MOV10L1: variants seen among roughly 807,000 people sequenced by gnomAD.
The protein encoded by MOV10L1 is RNA helicase Mov10l1.
A neutral mutation model predicts 143.8 loss-of-function variants in MOV10L1; 110 were observed. The observed-to-expected ratio is 0.76, with a 90% CI of 0.66 to 0.90. The LOEUF (loss-of-function observed/expected upper bound fraction) is 0.90, where lower values mean the gene tolerates loss of function less well. Ranked by LOEUF, MOV10L1 falls within the 40% of genes least tolerant of loss-of-function variation. The probability of loss-of-function intolerance (pLI) is 0.00; values close to 1 mark genes in which losing one functional copy is unlikely to be tolerated. For synonymous variants in MOV10L1, 593 were observed against 581.1 expected (o/e 1.02, Z -0.29); for missense variants, 1,406 against 1,526.8 (o/e 0.92, Z 1.32).
chr22:50,154,073 T>A (rs1430080842), intron 22 of MOV10L1, among the ~76,000 whole-genome samples: 1 of 152,156 alleles, frequency 6.6e-6, no homozygotes, highest in Non-Finnish European at 1.5e-5. Context: ...TCCAAAGTGG[T>A]GGGATGGGAT....
At position 50,158,311 on chromosome 22, in the gene MOV10L1, C is replaced by A; in HGVS notation, c.3216+105C>A. On this transcript the variant is annotated intron_variant, in intron 23 of 26. Coordinates refer to ENST00000262794, the MANE Select transcript of MOV10L1 (RefSeq NM_018995.3). This position sits in a 1 kb window ranked among gnomAD's most constrained non-coding sequence, Gnocchi z 5.0. ...GGAACAAGCTCCTTGTGAGCAGCAG[C>A]AGGTTTTTAAAGGGGCAGGACCGCA... 1 of 1,437,010 alleles carries A rather than the reference C, an allele frequency of 7.0e-7. No individual in the cohort carries two copies. The highest frequency in any genetic ancestry group is 9.5e-7 in the Non-Finnish European group (1 of 1,057,736). 89.0% of individuals were successfully genotyped at this position (1,437,010 alleles called of 1,614,324 possible). A position where few individuals can be genotyped will look rare whatever the true frequency, so the allele number is the denominator to read the frequency against.
At chr22:50,116,902 C>T (rs144016121) in intron 8 of MOV10L1, among the ~76,000 whole-genome samples, 256 of 152,116 alleles carry the variant, frequency 1.7e-3, no homozygotes, top group African/African-American at 6.0e-3. Flanking sequence ...GCGATCTGCC[C>T]GCCTCAGTCT....
intron 15 of MOV10L1, among the ~76,000 whole-genome samples, chr22:50,141,643 G>A (rs937571080): frequency 1.3e-5 from 2 of 152,016 alleles, no homozygotes; most frequent in African/African-American, 2.4e-5. Context: ...CCGGCCTGGT[G>A]CAGGATCTTG....
intron 22 of MOV10L1, among the ~76,000 whole-genome samples, chr22:50,156,958 A>G (rs187404143): frequency 3.9e-5 from 6 of 152,324 alleles, no homozygotes; most frequent in African/African-American, 1.4e-4. Flanking sequence ...TAACTGCAGC[A>G]TTCCACACCC....
intron 10 of MOV10L1, among the ~76,000 whole-genome samples, chr22:50,123,695 C>G (rs1602232437): frequency 6.6e-6 from 1 of 152,164 alleles, no homozygotes; most frequent in East Asian, 1.9e-4. Flanking sequence ...GTATTCCCTC[C>G]TCTTGAATTT....
At chr22:50,113,967 G>A (rs1731689104) in intron 6 of MOV10L1, among the ~76,000 whole-genome samples, 179 bp downstream of exon 6, 1 of 140,576 alleles carries the variant, frequency 7.1e-6, no homozygotes, top group African/African-American at 2.7e-5. Flanking sequence ...CGCCCGGGCT[G>A]GAGTGCAGTG....
chr22:50,091,375 C>G, intron 1 of MOV10L1: 1 of 167,362 alleles, frequency 6.0e-6, no homozygotes. Context: ...GTGCGCTGCT[C>G]CTGGGCCAGA....
chr22:50,124,750 GC>G (rs1169617706), intron 10 of MOV10L1, among the ~76,000 whole-genome samples: 1 of 152,134 alleles, frequency 6.6e-6, no homozygotes, highest in East Asian at 1.9e-4. Context: ...ACTCTGTGCT[GC>G]TTGCTCTTCC....
At chr22:50,130,968 C>T (rs774947526) in intron 13 of MOV10L1, among the ~76,000 whole-genome samples, 13 of 152,158 alleles carry the variant, frequency 8.5e-5, no homozygotes, top group Non-Finnish European at 1.6e-4. Flanking sequence ...ACGATCTCGG[C>T]TCACTGCAAG....
At chr22:50,133,261 TGAG>T (rs911143633) in intron 13 of MOV10L1, among the ~76,000 whole-genome samples, 5 of 151,606 alleles carry the variant, frequency 3.3e-5, no homozygotes, top group African/African-American at 1.2e-4. Context: ...TCTATCAGGT[TGAG>T]GAGATAGATT....
chr22:50,110,639 T>C (rs1382647157), intron 5 of MOV10L1, among the ~76,000 whole-genome samples: 1 of 152,088 alleles, frequency 6.6e-6, no homozygotes, highest in Admixed American at 6.5e-5. Flanking sequence ...CTTAAAATTA[T>C]TGGATTTCTG....
Position 50,153,174 on chromosome 22 carries a change from A to C in MOV10L1, c.3022A>C (p.Lys1008Gln). Reference sequence around the variant, plus strand: ...GGTGACCTCCTTGCTGGGCTGGGAGAAGTTGCCTAAGAAAGGCTTCCCTCT... The same window carrying C: ...GGTGACCTCCTTGCTGGGCTGGGAGCAGTTGCCTAAGAAAGGCTTCCCTCT... Reference protein sequence around the residue: ...TVVTSLLGWEKLPKKGFPLIF... With the variant: ...TVVTSLLGWEQLPKKGFPLIF... Residue 1008 changes from lysine (K) to glutamine (Q), a missense_variant, in exon 22 of 27, where the codon AAG becomes CAG. Around this residue, in one of 3 missense-constraint regions of MOV10L1, gnomAD observed 1,233 missense variants for 1,351.4 expected, o/e 0.91. Coordinates refer to ENST00000262794, the MANE Select transcript of MOV10L1 (RefSeq NM_018995.3). 6.2e-7 allele frequency: 1 copy of C among 1,613,846 alleles called. No homozygotes were observed. The highest frequency in any genetic ancestry group is 1.1e-5 in the South Asian group (1 of 91,070).
At position 50,118,718 on chromosome 22, in the gene MOV10L1, G is replaced by A. The variant is rs1451597566; in HGVS notation, c.1454+1367G>A. ...CTTCATGCTACCTCATGGGTCACAT[G>A]TGCCAGTTCGGAGGGAGTTCGCATG... On this transcript the variant is annotated intron_variant, in intron 9 of 26. Coordinates refer to ENST00000262794, the MANE Select transcript of MOV10L1 (RefSeq NM_018995.3). Among the ~76,000 whole-genome samples the A allele has an allele frequency of 2.0e-5, 3 of 152,214 alleles. No homozygotes were observed. In the East Asian group the frequency reaches 5.8e-4, roughly 29 times the overall value.
At chr22:50,137,521 A>G (rs551162689) in intron 15 of MOV10L1, among the ~76,000 whole-genome samples, 162 of 152,086 alleles carry the variant, frequency 1.1e-3, no homozygotes, top group African/African-American at 3.9e-3. Context: ...AGCGTGGGCA[A>G]TAGAATACAG....
At chr22:50,147,731 C>T (rs1201234413) in intron 19 of MOV10L1, among the ~76,000 whole-genome samples, 4 of 152,222 alleles carry the variant, frequency 2.6e-5, no homozygotes, top group African/African-American at 9.7e-5. Flanking sequence ...TAAATAACTG[C>T]AATTAATACA....
chr22:50,121,374 G>A (rs138231), intron 10 of MOV10L1, among the ~76,000 whole-genome samples: 151,144 of 152,330 alleles, frequency 0.99, 74,986 homozygotes, highest in East Asian at 1. Flanking sequence ...GGTTCCTCAC[G>A]CAGGAAACTT....
At chr22:50,120,203 C>T (rs2062300122) in intron 9 of MOV10L1, among the ~76,000 whole-genome samples, 1 of 152,122 alleles carries the variant, frequency 6.6e-6, no homozygotes, top group Non-Finnish European at 1.5e-5. Flanking sequence ...CAGCTGTTTC[C>T]AAACTCCTGG....
In MOV10L1 at chr22:50,125,335, A is replaced by G. The variant is rs1019804335; in HGVS notation, c.1570-57A>G. 23 of 1,543,052 alleles carry G rather than the reference A, an allele frequency of 1.5e-5. No homozygotes were observed. The Admixed American group carries it at 3.6e-4, about 24-fold the overall frequency. On this transcript the variant is annotated intron_variant, in intron 10 of 26. Transcript: ENST00000262794. ...GGAACTTTCCTGCTCCGGAGCTGCTACTTTCCAGAGTGCTGCTGAGCTGTT... is the reference window on the plus strand; with the variant it reads ...GGAACTTTCCTGCTCCGGAGCTGCTGCTTTCCAGAGTGCTGCTGAGCTGTT...
intron 1 of MOV10L1, 43 bp downstream of exon 1, chr22:50,090,228 G>A (rs1418174707): frequency 1.4e-6 from 2 of 1,407,876 alleles, no homozygotes; most frequent in African/African-American, 1.5e-5. Flanking sequence ...CCGGGCCCTC[G>A]CGTGTCGGCC....
Sources: allele counts gnomAD v4.1 joint callset (sites outside exome capture counted in the v4.1 genomes callset), GRCh38; gene constraint gnomAD v4.1.1; regional missense constraint gnomAD v4.1.1; non-coding constraint Gnocchi (gnomAD v3.1); transcripts MANE v1.5; gene names NCBI Gene and HGNC (gene_info 2026-07-23, HGNC 2026-07-21).